The following MIB1 variants were observed in gnomAD, a reference collection of about 807,000 sequenced individuals.
MIB1 encodes MIB E3 ubiquitin protein ligase 1.
Under a neutral mutation model 124.5 loss-of-function variants are expected in MIB1, and 278 were observed. The ratio of observed to expected loss-of-function variants is 2.23; its 90% confidence interval spans 2.02 to 2.47. The LOEUF (loss-of-function observed/expected upper bound fraction) is 2.47, where lower values mean the gene tolerates loss of function less well. MIB1 is among the 30% of genes most tolerant of loss of function. The probability of loss-of-function intolerance (pLI) is 0.00; values close to 1 mark genes in which losing one functional copy is unlikely to be tolerated. For synonymous variants in MIB1, 446 were observed against 429.4 expected (o/e 1.04, Z -0.48); for missense variants, 957 against 1,254.4 (o/e 0.76, Z 3.58).
intron 12 of MIB1, chr18:21,831,384 G>C (rs1010375267): frequency 3.2e-4 from 48 of 151,712 alleles, no homozygotes; most frequent in Non-Finnish European, 2.9e-5. Context: ...TCACTACGAG[G>C]CTAACTTATA....
At chr18:21,734,110 T>TC (rs1285238976) in intron 1 of MIB1, among the ~76,000 whole-genome samples, 2 of 150,878 alleles carry the variant, frequency 1.3e-5, no homozygotes, top group Non-Finnish European at 3.0e-5. Flanking sequence ...CTTTGATTTT[T>TC]TTTTTTTTTT....
intron 9 of MIB1, among the ~76,000 whole-genome samples, chr18:21,803,524 A>G (rs1385296448): frequency 6.6e-6 from 1 of 152,160 alleles, no homozygotes; most frequent in Non-Finnish European, 1.5e-5. Context: ...CTAGCAGCTA[A>G]TATCTTTTCT....
chr18:21,779,667 A>G lies in MIB1; in HGVS notation c.890A>G (p.Gln297Arg), dbSNP rs1203091591. ...GIDEDHDIVV[Q>R]YPSGNRWTFN... is the part of the protein sequence containing the mutation. ...GATGAAGATCATGACATTGTAGTAC[A>G]GTATCCAAGTGGCAATAGGTGGGTG... Residue 297 changes from glutamine (Q) to arginine (R), a missense_variant, in exon 6 of 21, where the codon CAG (glutamine) becomes CGG (arginine). Coordinates refer to ENST00000261537, the MANE Select transcript of MIB1 (RefSeq NM_020774.4). 1.2e-6 allele frequency: 2 copies of G among 1,613,894 alleles called. No individual in the cohort carries two copies. Among genetic ancestry groups the G allele is most frequent in the South Asian group, 2.2e-5 (2 of 91,060 alleles).
intron 20 of MIB1, among the ~76,000 whole-genome samples, chr18:21,860,891 C>T (rs1012637989): frequency 1.8e-4 from 28 of 152,060 alleles, no homozygotes; most frequent in African/African-American, 6.8e-4. Context: ...TAAAATAAAT[C>T]AGCAGACTGT....
intron 10 of MIB1, among the ~76,000 whole-genome samples, chr18:21,806,735 C>T (rs995034385): frequency 6.6e-6 from 1 of 151,662 alleles, no homozygotes; most frequent in African/African-American, 2.4e-5. Flanking sequence ...GCCATTCTCC[C>T]GCCTCAGCCT....
At chr18:21,824,927 TTG>T (rs1382006711) in intron 12 of MIB1, among the ~76,000 whole-genome samples, 1 of 152,120 alleles carries the variant, frequency 6.6e-6, no homozygotes, top group Non-Finnish European at 1.5e-5. Flanking sequence ...AAGGAGAATA[TTG>T]TGTGTATATT....
Position 21,865,677 on chromosome 18 carries a change from A to G in MIB1, c.*1011A>G, listed in dbSNP as rs573537839. On this transcript the variant is annotated 3_prime_UTR_variant, in exon 21 of 21. Transcript: ENST00000261537. ...AATCTTTTCTTCTCTGTATCAGTTAATTCTGACAGTGTTAGTGATTCTGTC... is the reference window on the plus strand; with the variant it reads ...AATCTTTTCTTCTCTGTATCAGTTAGTTCTGACAGTGTTAGTGATTCTGTC... 1 of 152,706 alleles carries G rather than the reference A, an allele frequency of 6.5e-6. No homozygotes were observed. Among genetic ancestry groups the G allele is most frequent in the Admixed American group, 6.5e-5 (1 of 15,300 alleles). The allele number at this position is 152,706 out of a possible 1,614,324, so 9.5% of individuals were successfully genotyped here.
intron 6 of MIB1, among the ~76,000 whole-genome samples, chr18:21,782,883 T>C (rs1205535593): frequency 2.0e-5 from 3 of 152,216 alleles, no homozygotes; most frequent in Non-Finnish European, 4.4e-5. Flanking sequence ...AAATGTCCCC[T>C]ACTGTTAAAG....
chr18:21,831,942 CATAT>C (rs2041987992), intron 12 of MIB1, among the ~76,000 whole-genome samples: 1 of 152,244 alleles, frequency 6.6e-6, no homozygotes, highest in African/African-American at 2.4e-5. Context: ...TGATATGTTA[CATAT>C]CTAAAGGCCT....
chr18:21,771,555 A>G (rs1319094723), intron 3 of MIB1, among the ~76,000 whole-genome samples: 2 of 152,162 alleles, frequency 1.3e-5, no homozygotes, highest in Admixed American at 6.5e-5. Flanking sequence ...TTGAGCAGGA[A>G]TCATAAAGCA....
intron 1 of MIB1, among the ~76,000 whole-genome samples, chr18:21,725,131 ATTAT>A (rs1423754562): frequency 1.3e-5 from 2 of 151,234 alleles, no homozygotes; most frequent in African/African-American, 2.4e-5. Context: ...AATGTCATAA[ATTAT>A]TTATTAATAA....
chr18:21,739,509 G>A (rs1485710491), upstream of MIB1, among the ~76,000 whole-genome samples: 1 of 152,022 alleles, frequency 6.6e-6, no homozygotes, highest in African/African-American at 2.4e-5. Context: ...AAAATTTCAG[G>A]CCAATATCCC....
chr18:21,745,187 A>G (rs1335204196), intron 1 of MIB1, among the ~76,000 whole-genome samples: 1 of 152,244 alleles, frequency 6.6e-6, no homozygotes, highest in Non-Finnish European at 1.5e-5. Context: ...GCAGTACTGT[A>G]TAGAAGAGAA....
intron 12 of MIB1, among the ~76,000 whole-genome samples, chr18:21,825,187 C>T (rs1174986851): frequency 6.6e-6 from 1 of 152,068 alleles, no homozygotes; most frequent in Non-Finnish European, 1.5e-5. Context: ...ACCTTACCTG[C>T]TAACATTCAG....
intron 2 of MIB1, among the ~76,000 whole-genome samples, chr18:21,767,578 C>G (rs1275413500): frequency 6.6e-6 from 1 of 151,782 alleles, no homozygotes; most frequent in African/African-American, 2.4e-5. Flanking sequence ...AATGGAGTCT[C>G]TCTCTGTTGC....
At chr18:21,778,366 G>A (rs2146424367) in intron 5 of MIB1, among the ~76,000 whole-genome samples, 197 bp downstream of exon 5, 1 of 152,132 alleles carries the variant, frequency 6.6e-6, no homozygotes, top group East Asian at 1.9e-4. Context: ...CATGTCTTGA[G>A]AATTCATTGG....
intron 1 of MIB1, among the ~76,000 whole-genome samples, chr18:21,752,607 A>G (rs1404627877): frequency 6.6e-6 from 1 of 152,262 alleles, no homozygotes; most frequent in African/African-American, 2.4e-5. Flanking sequence ...TTAGATTGAC[A>G]AAAATTAAAA....
At chr18:21,776,056 C>T (rs2041281419) in intron 4 of MIB1, among the ~76,000 whole-genome samples, 1 of 152,040 alleles carries the variant, frequency 6.6e-6, no homozygotes, top group African/African-American at 2.4e-5. Flanking sequence ...CACTTGAGTC[C>T]AGGAGTTTGA....
Position 21,779,482 on chromosome 18 carries a change from T to C in MIB1, c.705T>C (p.Gly235=), listed in dbSNP as rs755288537. The C allele has an allele frequency of 1.9e-6, 3 of 1,613,902 alleles. No individual in the cohort carries two copies. In the South Asian group the frequency reaches 3.3e-5, roughly 18 times the overall value. The change falls in exon 6 of 21, where the codon GGT becomes GGC. Residue 235 remains glycine, a splice_region_variant and synonymous_variant. Transcript: ENST00000261537. The part of the protein sequence containing the change: ...SFYRDHCPVL[G]EQNGNRNPGG... ...ATTCAATTGCCTCTGAAATTACAGG[T>C]GAGCAGAATGGCAACAGGAATCCTG... is the stretch of plus-strand genomic sequence containing the variant.
Sources: gnomAD v4.1 joint callset for allele counts (sites outside exome capture counted in the v4.1 genomes callset) on GRCh38, gnomAD v4.1.1 for gene constraint, MANE v1.5 for transcripts, NCBI Gene and HGNC (gene_info 2026-07-23, HGNC 2026-07-21) for gene names.